CCND3: variants seen among roughly 807,000 people sequenced by gnomAD.
CCND3 encodes the protein cyclin D3.
CCND3 carries 9 observed loss-of-function variants against 28.7 expected under a neutral mutation model. That is an observed-to-expected ratio of 0.31 (90% CI 0.19 to 0.55). The LOEUF (loss-of-function observed/expected upper bound fraction) is 0.55, where lower values mean the gene tolerates loss of function less well. CCND3 is among the 20% of genes least tolerant of loss of function. The pLI, the probability that CCND3 is intolerant of heterozygous loss-of-function variation, is 0.93. For missense variants in CCND3, 315 were observed against 385.8 expected (o/e 0.82, Z 1.54); for synonymous variants, 164 against 163.9 (o/e 1.00, Z 0.00).
chr6:41,976,818 T>A (rs1762198762), intron 1 of CCND3, among the ~76,000 whole-genome samples: 1 of 152,188 alleles, frequency 6.6e-6, no homozygotes, highest in Non-Finnish European at 1.5e-5. Context: ...CTCACCTCAA[T>A]GACGCCTCCT....
At position 41,941,599 on chromosome 6, in the gene CCND3, C is replaced by G; in HGVS notation, c.51G>C (p.Pro17=). The G allele has an allele frequency of 1.3e-6, 2 of 1,532,818 alleles. No individual in the cohort carries two copies. Among genetic ancestry groups the G allele is most frequent in the South Asian group, 2.4e-5 (2 of 83,388 alleles). The allele number at this position is 1,532,818 out of a possible 1,614,324, so 95.0% of individuals were successfully genotyped here. Residue 17 remains proline, a synonymous_variant, in exon 1 of 5, where the codon CCG becomes CCC. Coordinates refer to ENST00000372991, the MANE Select transcript of CCND3 (RefSeq NM_001760.5). The surrounding 1 kb of genome is among the most constrained non-coding windows in gnomAD (Gnocchi z 6.1). ...EGTRHAPRAG[P]DPRLLGDQRV... ...GCTGGTCCCCCAGCAGCCGCGGGTCCGGCCCGGCCCGGGGCGCGTGCCGGG... is the reference window on the plus strand; with the variant it reads ...GCTGGTCCCCCAGCAGCCGCGGGTCGGGCCCGGCCCGGGGCGCGTGCCGGG...
intron 1 of CCND3, among the ~76,000 whole-genome samples, chr6:41,991,679 C>T (rs1298642224): frequency 6.6e-6 from 1 of 152,176 alleles, no homozygotes; most frequent in Non-Finnish European, 1.5e-5. Flanking sequence ...TGGCATAGAA[C>T]ACTGGAACTT....
At chr6:41,966,091 A>T (rs1761880079) in intron 1 of CCND3, among the ~76,000 whole-genome samples, 1 of 152,190 alleles carries the variant, frequency 6.6e-6, no homozygotes, top group Non-Finnish European at 1.5e-5. Flanking sequence ...TGGGGATAAT[A>T]TAAATTGCAT....
intron 1 of CCND3, among the ~76,000 whole-genome samples, chr6:42,035,568 T>A (rs1364646435): frequency 2.0e-5 from 3 of 150,578 alleles, no homozygotes; most frequent in Non-Finnish European, 4.4e-5. Context: ...GGGGTTTCAC[T>A]GTGTTAGCCA....
chr6:42,031,876 G>A (rs975880992), intron 1 of CCND3, among the ~76,000 whole-genome samples: 5 of 139,584 alleles, frequency 3.6e-5, no homozygotes, highest in Non-Finnish European at 6.0e-5. Flanking sequence ...TGCAACCTCC[G>A]CCTCCTGGGT....
At chr6:42,025,186 T>C (rs183842326) in intron 1 of CCND3, among the ~76,000 whole-genome samples, 8 of 152,240 alleles carry the variant, frequency 5.3e-5, no homozygotes, top group African/African-American at 1.9e-4. Context: ...AGGTCTGGGA[T>C]CTAACTGTGA....
At chr6:41,994,316 T>C (rs1283324139) in intron 1 of CCND3, among the ~76,000 whole-genome samples, 2 of 152,044 alleles carry the variant, frequency 1.3e-5, no homozygotes, top group African/African-American at 4.8e-5. Flanking sequence ...GTAAGTACAC[T>C]CGATGATGTT....
At chr6:41,948,608 G>A (rs1776227981) in intron 1 of CCND3, among the ~76,000 whole-genome samples, 2 of 151,716 alleles carry the variant, frequency 1.3e-5, no homozygotes, top group African/African-American at 4.8e-5. Context: ...GGAGGCCGAG[G>A]CAGGCAGATC....
At chr6:41,986,969 T>C (rs898764474) in intron 1 of CCND3, among the ~76,000 whole-genome samples, 31 of 152,090 alleles carry the variant, frequency 2.0e-4, no homozygotes, top group Non-Finnish European at 4.1e-4. Flanking sequence ...TAGTATAATA[T>C]GCTACCTTCA....
intron 1 of CCND3, among the ~76,000 whole-genome samples, chr6:41,976,074 G>A (rs561790318): frequency 1.3e-5 from 2 of 151,080 alleles, no homozygotes; most frequent in Admixed American, 1.3e-4. Flanking sequence ...GGGTCTGGCC[G>A]GGCGCTGTGG....
chr6:41,947,051 C>T (rs963661323), intron 1 of CCND3, among the ~76,000 whole-genome samples: 2 of 151,810 alleles, frequency 1.3e-5, no homozygotes, highest in Admixed American at 1.3e-4. Context: ...AACCCCATCT[C>T]TACTAAAAAT....
At chr6:42,000,233 A>ATTTTTTT (rs1561980601) in intron 1 of CCND3, among the ~76,000 whole-genome samples, 2 of 31,234 alleles carry the variant, frequency 6.4e-5, no homozygotes, top group African/African-American at 2.4e-4. Flanking sequence ...TTGAAAACAT[A>ATTTTTTT]CTTTTTTTTT....
rs1417822740 is a variant in CCND3, at chr6:41,935,508, A to G, written c.*432T>C. 3 of 313,888 alleles carry G rather than the reference A, an allele frequency of 9.6e-6. No individual in the cohort carries two copies. The East Asian group carries it at 1.4e-4, about 15-fold the overall frequency. 19.4% of individuals were successfully genotyped at this position (313,888 alleles called of 1,614,324 possible). On this transcript the variant is annotated 3_prime_UTR_variant, in exon 5 of 5. Transcript: ENST00000372991. ...TCCCCCTCATATGTGTCTATCATGC[A>G]TTAAATTTTAGAGGGACCCCAATCC...
In CCND3 at chr6:41,981,056, A is replaced by G. The variant is rs146884027; in HGVS notation, c.-45-40471T>C. ...GCAATAAGAAAAGAAAATAAAAAGC[A>G]TAAGATGGGGAGGGAAGAAATAAAA... On this transcript the variant is annotated intron_variant, in intron 1 of 4. Coordinates refer to the CCND3 transcript ENST00000372988. 4.7e-4 allele frequency among the ~76,000 whole-genome samples: 72 copies of G among 152,328 alleles called. No homozygotes were observed. In the East Asian group the frequency reaches 0.013, roughly 29 times the overall value.
At chr6:42,003,679 C>CT (rs1333307809) in intron 1 of CCND3, among the ~76,000 whole-genome samples, 2 of 151,622 alleles carry the variant, frequency 1.3e-5, no homozygotes, top group Non-Finnish European at 2.9e-5. Flanking sequence ...TGGTTCAGGC[C>CT]TGTAATCTCA....
chr6:41,952,416 C>A (rs1776338305), intron 1 of CCND3, among the ~76,000 whole-genome samples: 1 of 152,202 alleles, frequency 6.6e-6, no homozygotes, highest in Non-Finnish European at 1.5e-5. Context: ...TGCCTTGGAA[C>A]TGGGAGACAA....
chr6:41,992,191 C>G (rs1762666765), intron 1 of CCND3, among the ~76,000 whole-genome samples: 1 of 152,136 alleles, frequency 6.6e-6, no homozygotes, highest in African/African-American at 2.4e-5. Flanking sequence ...GAGAAGAAGT[C>G]TCACTCTGTC....
At chr6:42,007,220 T>C (rs1763202621) in intron 1 of CCND3, among the ~76,000 whole-genome samples, 2 of 152,354 alleles carry the variant, frequency 1.3e-5, no homozygotes, top group East Asian at 3.9e-4. Context: ...CACTTATTGG[T>C]TGTTTCATTG....
At chr6:42,004,068 ATGTGTGTGTG>A (rs35124169) in intron 1 of CCND3, among the ~76,000 whole-genome samples, 3 of 143,710 alleles carry the variant, frequency 2.1e-5, no homozygotes, top group Non-Finnish European at 3.0e-5. Context: ...ATATATATGT[ATGTGTGTGTG>A]TGTGTGTGTG....
Sources: allele counts gnomAD v4.1 joint callset (sites outside exome capture counted in the v4.1 genomes callset), GRCh38; gene constraint gnomAD v4.1.1; non-coding constraint Gnocchi (gnomAD v3.1); transcripts MANE v1.5; gene names NCBI Gene and HGNC (gene_info 2026-07-23, HGNC 2026-07-21).